Variants in HELZ observed in about 807,000 individuals in gnomAD.
HELZ encodes the protein helicase with zinc finger.
HELZ carries 23 observed loss-of-function variants against 218.2 expected under a neutral mutation model. That is an observed-to-expected ratio of 0.11 (90% CI 0.08 to 0.15). The LOEUF is 0.15. Ranked by LOEUF, HELZ falls within the 10% of genes least tolerant of loss-of-function variation. The pLI is 1.00. For missense variants in HELZ, 1,813 were observed against 2,353.7 expected (o/e 0.77, Z 4.75); for synonymous variants, 814 against 829.4 (o/e 0.98, Z 0.32).
chr17:67,119,229 A>G (rs940927938), intron 27 of HELZ, among the ~76,000 whole-genome samples: 4 of 152,338 alleles, frequency 2.6e-5, no homozygotes, highest in Middle Eastern at 3.4e-3. Context: ...TAAGGGCCAA[A>G]AATTAGATAC....
chr17:67,206,744 C>G (rs957569670), intron 5 of HELZ, among the ~76,000 whole-genome samples: 1 of 151,854 alleles, frequency 6.6e-6, no homozygotes, highest in South Asian at 2.1e-4. Flanking sequence ...GGATTACAGG[C>G]ATGCGCCACC....
intron 3 of HELZ, among the ~76,000 whole-genome samples, chr17:67,233,523 A>G (rs2041094062): frequency 6.6e-6 from 1 of 152,132 alleles, no homozygotes; most frequent in South Asian, 2.1e-4. Context: ...ATGGACTGGG[A>G]ATCTTGAAGC....
chr17:67,086,638 AT>A (rs1567787929), intron 32 of HELZ, among the ~76,000 whole-genome samples, 190 bp downstream of exon 32: 5,394 of 122,934 alleles, frequency 0.044, 136 homozygotes, highest in Admixed American at 0.061. Flanking sequence ...ATAAATATAT[AT>A]ATATATATAT....
chr17:67,195,124 C>T (rs1337566409), intron 8 of HELZ, among the ~76,000 whole-genome samples: 3 of 152,104 alleles, frequency 2.0e-5, no homozygotes, highest in Non-Finnish European at 4.4e-5. Context: ...GAAGAAAAGT[C>T]TTCCCTCTAT....
intron 12 of HELZ, among the ~76,000 whole-genome samples, chr17:67,184,820 CAAATAAAT>C (rs3048665): frequency 8.7e-5 from 13 of 150,088 alleles, no homozygotes; most frequent in East Asian, 2.0e-4. Flanking sequence ...TGTCTCTAAA[CAAATAAAT>C]AAATAAATAA....
At chr17:67,151,356 C>T (rs1183453694) in intron 17 of HELZ, 132 bp from the exon 18 acceptor site, 1 of 704,144 alleles carries the variant, frequency 1.4e-6, no homozygotes. Context: ...TAACCGTTAG[C>T]ACTCTATTGA....
intron 21 of HELZ, among the ~76,000 whole-genome samples, chr17:67,140,957 T>C (rs974025137): frequency 6.6e-6 from 1 of 151,766 alleles, no homozygotes; most frequent in Non-Finnish European, 1.5e-5. Flanking sequence ...ATCCAACCAA[T>C]TCAACCAATA....
chr17:67,168,895 C>A (rs976083259), intron 13 of HELZ, among the ~76,000 whole-genome samples: 2 of 152,236 alleles, frequency 1.3e-5, no homozygotes, highest in Admixed American at 1.3e-4. Flanking sequence ...AGTTCAAGAC[C>A]AGCCTGGCCA....
chr17:67,242,670 T>C (rs2143531690), intron 2 of HELZ, among the ~76,000 whole-genome samples: 1 of 152,016 alleles, frequency 6.6e-6, no homozygotes, highest in East Asian at 1.9e-4. Flanking sequence ...AAAATCCATA[T>C]TTGCTCTGCC....
chr17:67,088,975 C>T (rs977802582), intron 31 of HELZ, among the ~76,000 whole-genome samples: 1 of 152,168 alleles, frequency 6.6e-6, no homozygotes, highest in Non-Finnish European at 1.5e-5. Flanking sequence ...AATGGCTGCG[C>T]AGCGTGTCTT....
At chr17:67,171,846 T>C (rs575724110) in intron 13 of HELZ, among the ~76,000 whole-genome samples, 120 of 152,082 alleles carry the variant, frequency 7.9e-4, no homozygotes, top group African/African-American at 2.8e-3. Context: ...TGTTTTTTTT[T>C]TTGAGACGGA....
At chr17:67,163,586 T>C (rs1274054070) in intron 15 of HELZ, among the ~76,000 whole-genome samples, 1 of 152,010 alleles carries the variant, frequency 6.6e-6, no homozygotes, top group Non-Finnish European at 1.5e-5. Flanking sequence ...GTATTTTTAG[T>C]AGAGATGGGG....
intron 3 of HELZ, among the ~76,000 whole-genome samples, chr17:67,239,076 C>A (rs2041258100): frequency 6.6e-6 from 1 of 152,176 alleles, no homozygotes; most frequent in Non-Finnish European, 1.5e-5. Context: ...TAACCAAGTT[C>A]ACTGGAGCAC....
At chr17:67,234,380 C>T (rs568959671) in intron 3 of HELZ, among the ~76,000 whole-genome samples, 2 of 151,266 alleles carry the variant, frequency 1.3e-5, no homozygotes, top group African/African-American at 4.8e-5. Context: ...TCTAATTAGT[C>T]ACCACATCTC....
Position 67,087,020 on chromosome 17 carries a change from T to A in HELZ, c.5303A>T (p.Gln1768Leu). 1 of 1,614,044 alleles carries A rather than the reference T, an allele frequency of 6.2e-7. No homozygotes were observed. Among genetic ancestry groups the A allele is most frequent in the Non-Finnish European group, 8.5e-7 (1 of 1,179,988 alleles). Residue 1768 changes from glutamine to leucine, a missense_variant, in exon 32 of 33, where the codon CAA becomes CTA. Physicochemically the swap from Gln to Leu is moderately radical, Grantham distance 113 (BLOSUM62 -2). Transcript: ENST00000358691. ...AGTGCTTACTTCTTCAGAACAAGGT[T>A]GAACTGAGCTAGATGAGATTCTTCT... is the stretch of plus-strand genomic sequence containing the variant. Reference protein sequence around the residue: ...YQRRISSSSVQPCSEEVSTPQ... With the variant: ...YQRRISSSSVLPCSEEVSTPQ...
chr17:67,186,473 C>G (rs116627472), intron 12 of HELZ, among the ~76,000 whole-genome samples: 1 of 152,198 alleles, frequency 6.6e-6, no homozygotes, highest in African/African-American at 2.4e-5. Context: ...CTGCTCTTCT[C>G]CAACAAGAAA....
intron 21 of HELZ, among the ~76,000 whole-genome samples, chr17:67,138,795 T>A (rs977352391): frequency 6.6e-6 from 1 of 152,194 alleles, no homozygotes; most frequent in African/African-American, 2.4e-5. Context: ...CCCCAATTAC[T>A]GGATTATGAT....
Position 67,078,318 on chromosome 17 carries a change from A to G in HELZ, c.5763T>C (p.Ser1921=), listed in dbSNP as rs908618894. ...TCCCTAGGCTCAGTTCCTGGAAGAGAGACAGAGGGTCGCTACTCTTCTTGG... is the reference window on the plus strand; with the variant it reads ...TCCCTAGGCTCAGTTCCTGGAAGAGGGACAGAGGGTCGCTACTCTTCTTGG... ...EQAKKSSDPL[S]LFQELSLGSS... Residue 1921 remains serine, a synonymous_variant, in exon 33 of 33, where the codon TCT becomes TCC. Transcript: ENST00000358691. 4.3e-6 allele frequency: 7 copies of G among 1,614,020 alleles called. No homozygotes were observed. Among genetic ancestry groups the G allele is most frequent in the Middle Eastern group, 1.6e-4 (1 of 6,062 alleles).
intron 27 of HELZ, among the ~76,000 whole-genome samples, chr17:67,118,892 A>G (rs2037512059): frequency 6.6e-6 from 1 of 152,124 alleles, no homozygotes; most frequent in South Asian, 2.1e-4. Flanking sequence ...TAAGCACAAT[A>G]AAAAGATACT....
Sources: allele counts gnomAD v4.1 joint callset (sites outside exome capture counted in the v4.1 genomes callset), GRCh38; gene constraint gnomAD v4.1.1; transcripts MANE v1.5; gene names NCBI Gene and HGNC (gene_info 2026-07-23, HGNC 2026-07-21).